Variants in UBE2U observed in about 807,000 individuals in gnomAD.
UBE2U encodes ubiquitin-conjugating enzyme E2 U.
A neutral mutation model predicts 41.2 loss-of-function variants in UBE2U; 39 were observed. The ratio of observed to expected loss-of-function variants is 0.95; its 90% CI spans 0.73 to 1.24. The LOEUF is 1.24. Among genes scored for constraint, UBE2U ranks in the 50% most tolerant of loss-of-function variants. The pLI, the probability that UBE2U is intolerant of heterozygous loss-of-function variation, is 0.00. For synonymous variants in UBE2U, 107 were observed against 117.8 expected, an observed-to-expected ratio of 0.91 and a Z score of 0.60; for missense variants, 336 against 363.1, an observed-to-expected ratio of 0.93 and a Z score of 0.61.
intron 8 of UBE2U, among the ~76,000 whole-genome samples, chr1:64,253,487 A>C (rs1341192581): frequency 1.3e-5 from 2 of 152,196 alleles, no homozygotes; most frequent in Admixed American, 6.5e-5. Flanking sequence ...GTCGAAATGA[A>C]GGAAAAAATG....
chr1:64,224,752 T>C (rs1402584638), intron 6 of UBE2U, among the ~76,000 whole-genome samples: 1 of 151,666 alleles, frequency 6.6e-6, no homozygotes, highest in Non-Finnish European at 1.5e-5. Flanking sequence ...AGTGAAAAGT[T>C]GGACACAGAA....
intron 5 of UBE2U, among the ~76,000 whole-genome samples, chr1:64,217,451 T>C (rs187196885): frequency 6.6e-6 from 1 of 152,356 alleles, no homozygotes; most frequent in Admixed American, 6.5e-5. Flanking sequence ...ATAGGTTTCA[T>C]ATGAGCAATT....
chr1:64,260,573 G>T, intron 8 of UBE2U, 30 bp from the exon 9 acceptor site: 1 of 1,505,368 alleles, frequency 6.6e-7, no homozygotes, highest in Non-Finnish European at 9.0e-7. Context: ...AAATTCATTT[G>T]GGAATTTAGT....
chr1:64,210,974 T>C, intron 4 of UBE2U, 135 bp downstream of exon 4: 3 of 536,592 alleles, frequency 5.6e-6, no homozygotes, highest in East Asian at 3.4e-5. Context: ...TCCATACTTC[T>C]ATATGAAGGC....
chr1:64,213,915 C>T (rs1651813008), intron 4 of UBE2U, among the ~76,000 whole-genome samples: 1 of 152,026 alleles, frequency 6.6e-6, no homozygotes, highest in Admixed American at 6.6e-5. Flanking sequence ...ACACTATAGG[C>T]CATTGTAACA....
At chr1:64,239,090 G>GAAAGAAGAAGAAGAAGAAGAAGA (rs1557729590) in intron 7 of UBE2U, among the ~76,000 whole-genome samples, 9 of 48,176 alleles carry the variant, frequency 1.9e-4, no homozygotes, top group African/African-American at 5.7e-4. Context: ...GGAAGAGGAA[G>GAAAGAAGAAGAAGAAGAAGAAGA]AGGAAGAAGA....
intron 7 of UBE2U, among the ~76,000 whole-genome samples, chr1:64,239,164 AAGAAG>A (rs1644774886): frequency 1.2e-5 from 1 of 84,314 alleles, no homozygotes; most frequent in Non-Finnish European, 2.3e-5. Flanking sequence ...AAGAAAGAAG[AAGAAG>A]AAGAAGAAGA....
rs906441506 is a variant in UBE2U, at chr1:64,267,258, C to T, written c.*50C>T. On this transcript the variant is annotated 3_prime_UTR_variant, in exon 10 of 10. Transcript: ENST00000371077. ...ATAAACAGCCTCCGCCATAGCCCAG[C>T]GTTGTGGAGCAATTTTGGAAGACTC... 7 of 1,379,638 alleles carry T rather than the reference C, an allele frequency of 5.1e-6. No homozygotes were observed. Among genetic ancestry groups the T allele is most frequent in the Admixed American group, 3.4e-5 (1 of 29,590 alleles). 85.5% of individuals were successfully genotyped at this position (1,379,638 alleles called of 1,614,324 possible).
intron 4 of UBE2U, among the ~76,000 whole-genome samples, chr1:64,212,326 A>G (rs1162285856): frequency 1.3e-5 from 2 of 152,244 alleles, no homozygotes; most frequent in African/African-American, 4.8e-5. Flanking sequence ...GGCAAACCAG[A>G]ATGAACTGGT....
chr1:64,242,701 A>C (rs560936024), intron 8 of UBE2U, among the ~76,000 whole-genome samples: 1 of 152,092 alleles, frequency 6.6e-6, no homozygotes, highest in Non-Finnish European at 1.5e-5. Flanking sequence ...TTCTGTAACA[A>C]CTTTCTTTCA....
At position 64,208,074 on chromosome 1, in the gene UBE2U, TA is replaced by T. The variant is rs1651414636; in HGVS notation, c.241+1222del. ...CACTACTAAGAAAATAAAAGCAAAT[TA>T]AAACAAAAAGTATTGTTATTTATCA... On this transcript the variant is annotated intron_variant, in intron 3 of 9. Coordinates refer to ENST00000371077, the MANE Select transcript of UBE2U (RefSeq NM_001366232.2). 1.3e-5 allele frequency among the ~76,000 whole-genome samples: 2 copies of T among 152,164 alleles called. 1 individual carries two copies. The highest frequency in any genetic ancestry group is 4.8e-5 in the African/African-American group (2 of 41,520).
At chr1:64,231,470 T>A (rs945841406) in intron 6 of UBE2U, among the ~76,000 whole-genome samples, 5 of 152,236 alleles carry the variant, frequency 3.3e-5, no homozygotes, top group Non-Finnish European at 7.3e-5. Flanking sequence ...TTTAGTCATC[T>A]ACAGCACAGC....
At chr1:64,266,295 C>T (rs1172481299) in intron 9 of UBE2U, among the ~76,000 whole-genome samples, 1 of 152,200 alleles carries the variant, frequency 6.6e-6, no homozygotes, top group Non-Finnish European at 1.5e-5. Flanking sequence ...CTTTCCTGAT[C>T]TGGCTTCAGC....
At chr1:64,257,314 A>G (rs1451906554) in intron 8 of UBE2U, among the ~76,000 whole-genome samples, 3 of 152,230 alleles carry the variant, frequency 2.0e-5, no homozygotes, top group African/African-American at 7.2e-5. Flanking sequence ...ATGCATGCCT[A>G]TGTTCATTGC....
intron 8 of UBE2U, among the ~76,000 whole-genome samples, chr1:64,257,830 A>C (rs1001896333): frequency 8.5e-5 from 13 of 152,104 alleles, no homozygotes; most frequent in Admixed American, 3.3e-4. Context: ...CACCCCAATA[A>C]ACTTTTCAAA....
At chr1:64,250,998 G>A (rs1163616963) in intron 8 of UBE2U, among the ~76,000 whole-genome samples, 1 of 151,650 alleles carries the variant, frequency 6.6e-6, no homozygotes, top group Non-Finnish European at 1.5e-5. Flanking sequence ...CACCAACATG[G>A]CACATGTATA....
At chr1:64,242,781 A>C (rs1644856691) in intron 8 of UBE2U, among the ~76,000 whole-genome samples, 1 of 152,152 alleles carries the variant, frequency 6.6e-6, no homozygotes, top group Non-Finnish European at 1.5e-5. Flanking sequence ...CAGGAAGTAG[A>C]AAGTTTTTTA....
At chr1:64,231,026 C>T (rs1644554713) in intron 6 of UBE2U, among the ~76,000 whole-genome samples, 1 of 152,014 alleles carries the variant, frequency 6.6e-6, no homozygotes, top group South Asian at 2.1e-4. Flanking sequence ...GGGCTGTTTC[C>T]TTTATAGAAT....
intron 8 of UBE2U, among the ~76,000 whole-genome samples, chr1:64,244,841 G>A (rs913696722): frequency 1.3e-5 from 2 of 152,150 alleles, no homozygotes; most frequent in African/African-American, 4.8e-5. Context: ...ATGGTGCCTG[G>A]CAAATAGTAG....
Sources: allele counts gnomAD v4.1 joint callset (sites outside exome capture counted in the v4.1 genomes callset), GRCh38; gene constraint gnomAD v4.1.1; transcripts MANE v1.5; gene names NCBI Gene and HGNC (gene_info 2026-07-23, HGNC 2026-07-21).